GRIK2: variants seen among roughly 807,000 people sequenced by gnomAD.
GRIK2 encodes the protein glutamate ionotropic receptor kainate type subunit 2.
In GRIK2, 32 loss-of-function variants were observed where a neutral mutation model predicts 100.3. The ratio of observed to expected loss-of-function variants is 0.32; its 90% confidence interval spans 0.24 to 0.43. The LOEUF (loss-of-function observed/expected upper bound fraction) is 0.43. Among genes scored for constraint, GRIK2 ranks in the 20% least tolerant of loss-of-function variants. The pLI is 1.00. For synonymous variants in GRIK2, 417 were observed against 389.4 expected (o/e 1.07, Z -0.83); for missense variants, 843 against 1,114.9 (o/e 0.76, Z 3.47).
chr6:101,857,185 G>C (rs1784468062), intron 10 of GRIK2, among the ~76,000 whole-genome samples: 1 of 152,170 alleles, frequency 6.6e-6, no homozygotes, highest in Non-Finnish European at 1.5e-5. Context: ...GTCTCCAAGG[G>C]ATGTGGAGGT....
At chr6:101,437,963 G>T (rs889560817) in intron 2 of GRIK2, among the ~76,000 whole-genome samples, 1 of 152,060 alleles carries the variant, frequency 6.6e-6, no homozygotes, top group African/African-American at 2.4e-5. Context: ...AGTGGGCGGA[G>T]AATGTAGACT....
At chr6:101,658,094 T>C (rs1339651121) in intron 4 of GRIK2, among the ~76,000 whole-genome samples, 1 of 152,188 alleles carries the variant, frequency 6.6e-6, no homozygotes, top group Non-Finnish European at 1.5e-5. Context: ...CTGGGATACA[T>C]GTGCAGAATA....
Position 101,599,778 on chromosome 6 carries a change from G to T in GRIK2, c.116-22171G>T, listed in dbSNP as rs115169257. 3.3e-3 allele frequency among the ~76,000 whole-genome samples: 492 copies of T among 151,354 alleles called. 7 individuals carry two copies. Among genetic ancestry groups the T allele is most frequent in the African/African-American group, 0.012 (484 of 41,328 alleles). On this transcript the variant is annotated intron_variant, in intron 2 of 16. Coordinates refer to ENST00000369134, the MANE Select transcript of GRIK2 (RefSeq NM_021956.5). ...GTTTTTTGCTTGTTCAATTGTTTAG[G>T]CTTCTTATAGATTTTGGAATTAGAA... is the stretch of plus-strand genomic sequence containing the variant.
At chr6:101,666,677 T>C (rs1421580605) in intron 4 of GRIK2, among the ~76,000 whole-genome samples, 1 of 152,206 alleles carries the variant, frequency 6.6e-6, no homozygotes, top group African/African-American at 2.4e-5. Context: ...GAAAAGTGAA[T>C]TTAAAAGTCT....
intron 5 of GRIK2, among the ~76,000 whole-genome samples, chr6:101,682,132 C>G (rs1452962149): frequency 6.6e-6 from 1 of 152,160 alleles, no homozygotes; most frequent in Non-Finnish European, 1.5e-5. Context: ...AAAATAAATG[C>G]CTGTTGGCAT....
chr6:101,552,698 A>G (rs986596147), intron 2 of GRIK2, among the ~76,000 whole-genome samples: 1 of 152,164 alleles, frequency 6.6e-6, no homozygotes, highest in African/African-American at 2.4e-5. Context: ...GCCCAGACAG[A>G]TGTGTCTAAC....
chr6:102,068,461 A>G lies in GRIK2; in HGVS notation c.2677A>G (p.Met893Val). Residue 893 changes from methionine (M) to valine (V), a missense_variant, in exon 17 of 17, where the codon ATG becomes GTG. Transcript: ENST00000369134. ...VIVKTEEVIN[M>V]HTFNDRRLPG... The stretch of plus-strand genomic sequence containing the variant: ...TGTGAAAACAGAAGAAGTTATCAAC[A>G]TGCACACATTTAACGACAGAAGGTT... 6.2e-7 allele frequency: 1 copy of G among 1,612,232 alleles called. No homozygotes were observed. The highest frequency in any genetic ancestry group is 8.5e-7 in the Non-Finnish European group (1 of 1,178,740).
chr6:101,844,259 G>T lies in GRIK2; in HGVS notation c.1318-15028G>T, dbSNP rs542240107. Among the ~76,000 whole-genome samples, 23 of 152,236 alleles carry T rather than the reference G, an allele frequency of 1.5e-4. 1 individual carries two copies. In the South Asian group the frequency reaches 4.6e-3, roughly 30 times the overall value. ...GATACAATAGTCCCCTCAATTCTGT[G>T]CTTAAGGGGAAAATTATCTTATTTA... On this transcript the variant is annotated intron_variant, in intron 10 of 16. Coordinates refer to ENST00000369134, the MANE Select transcript of GRIK2 (RefSeq NM_021956.5).
chr6:101,842,521 G>A (rs374407610), intron 10 of GRIK2, among the ~76,000 whole-genome samples: 61 of 152,056 alleles, frequency 4.0e-4, no homozygotes, highest in Middle Eastern at 6.8e-3. Flanking sequence ...CAAGTTCTCT[G>A]TCCTCAACTA....
At chr6:102,036,260 C>CATATAT (rs749145990) in intron 15 of GRIK2, among the ~76,000 whole-genome samples, 2 of 149,516 alleles carry the variant, frequency 1.3e-5, no homozygotes, top group African/African-American at 4.9e-5. Context: ...CACACACACA[C>CATATAT]ATATATATAT....
chr6:102,042,224 A>T (rs1770624686), intron 15 of GRIK2, among the ~76,000 whole-genome samples: 1 of 151,662 alleles, frequency 6.6e-6, no homozygotes. Flanking sequence ...CAATCTTTTT[A>T]GTAAACAGAG....
intron 9 of GRIK2, among the ~76,000 whole-genome samples, chr6:101,806,495 G>A (rs1471644512): frequency 1.3e-5 from 2 of 151,848 alleles, no homozygotes; most frequent in African/African-American, 2.4e-5. Context: ...AAAGGAAATT[G>A]ACCCCTGTCA....
chr6:101,505,324 CA>C (rs1404596465), intron 2 of GRIK2, among the ~76,000 whole-genome samples: 2 of 152,058 alleles, frequency 1.3e-5, no homozygotes, highest in Non-Finnish European at 2.9e-5. Flanking sequence ...ATGTCAGTTG[CA>C]AATGACTTGC....
chr6:101,815,641 C>T (rs111621382), intron 9 of GRIK2, among the ~76,000 whole-genome samples: 1,761 of 150,550 alleles, frequency 0.012, 29 homozygotes, highest in African/African-American at 0.041. Flanking sequence ...AAAAGTATTT[C>T]AAAGGCTTGA....
chr6:101,795,721 T>C (rs781532270), intron 7 of GRIK2, among the ~76,000 whole-genome samples: 4 of 152,150 alleles, frequency 2.6e-5, no homozygotes, highest in Non-Finnish European at 5.9e-5. Flanking sequence ...ACACCAGCAG[T>C]GGTGAACAAG....
intron 2 of GRIK2, among the ~76,000 whole-genome samples, chr6:101,493,511 A>G (rs978350643): frequency 2.0e-5 from 3 of 152,090 alleles, no homozygotes; most frequent in Non-Finnish European, 4.4e-5. Context: ...TAATAATCAA[A>G]ATTATTTTTC....
intron 2 of GRIK2, among the ~76,000 whole-genome samples, chr6:101,516,526 G>T (rs188312337): frequency 6.6e-6 from 1 of 152,156 alleles, no homozygotes; most frequent in Admixed American, 6.6e-5. Flanking sequence ...GGGATAATTG[G>T]CTAACCACAT....
intron 15 of GRIK2, among the ~76,000 whole-genome samples, chr6:102,050,647 C>CT (rs1771124660): frequency 1.5e-5 from 1 of 68,010 alleles, no homozygotes. Flanking sequence ...AAAACTCGGT[C>CT]TAAAAAAAAA....
Position 101,868,781 on chromosome 6 carries a change from A to G in GRIK2, c.1524+9288A>G, listed in dbSNP as rs145524526. Among the ~76,000 whole-genome samples the G allele has an allele frequency of 5.3e-5, 8 of 152,008 alleles. No individual in the cohort carries two copies. In the East Asian group the frequency reaches 1.5e-3, roughly 29 times the overall value. ...TCTTTTCAAAGTAAATTTGAGTAAT[A>G]GAAATTTCAGAAAAAAATTGCTCAA... On this transcript the variant is annotated intron_variant, in intron 11 of 16. Coordinates refer to ENST00000369134, the MANE Select transcript of GRIK2 (RefSeq NM_021956.5).
Sources: gnomAD v4.1 joint callset for allele counts (sites outside exome capture counted in the v4.1 genomes callset) on GRCh38, gnomAD v4.1.1 for gene constraint, MANE v1.5 for transcripts, NCBI Gene and HGNC (gene_info 2026-07-23, HGNC 2026-07-21) for gene names.